The following MNAT1 variants were observed in gnomAD, a reference collection of about 807,000 sequenced individuals.
MNAT1 encodes CDK-activating kinase assembly factor MAT1.
Under a neutral mutation model 42.0 loss-of-function variants are expected in MNAT1, and 43 were observed. The ratio of observed to expected loss-of-function variants is 1.02; its 90% CI spans 0.80 to 1.32. The LOEUF (loss-of-function observed/expected upper bound fraction) is 1.32, where lower values mean the gene tolerates loss of function less well. Ranked by LOEUF, MNAT1 falls within the 40% of genes most tolerant of loss-of-function variation. The pLI is 0.00. For missense variants in MNAT1, 306 were observed against 350.4 expected (o/e 0.87, Z 1.01); for synonymous variants, 118 against 120.0 (o/e 0.98, Z 0.11).
chr14:60,741,922 A>G (rs994932850), intron 1 of MNAT1, among the ~76,000 whole-genome samples: 1 of 151,810 alleles, frequency 6.6e-6, no homozygotes, highest in Non-Finnish European at 1.5e-5. Context: ...GTACTAGTCC[A>G]TTATATCTAA....
chr14:60,905,135 G>A (rs1292742801), intron 7 of MNAT1, among the ~76,000 whole-genome samples: 1 of 151,988 alleles, frequency 6.6e-6, no homozygotes, highest in Non-Finnish European at 1.5e-5. Flanking sequence ...GCCAGTTACT[G>A]TTCTGGGTGC....
intron 7 of MNAT1, among the ~76,000 whole-genome samples, chr14:60,956,065 T>G (rs1213038945): frequency 6.6e-6 from 1 of 152,136 alleles, no homozygotes; most frequent in African/African-American, 2.4e-5. Flanking sequence ...TTCCTTACAC[T>G]AACTAGTTCT....
At chr14:60,812,947 G>A (rs2032598929) in intron 5 of MNAT1, among the ~76,000 whole-genome samples, 1 of 152,150 alleles carries the variant, frequency 6.6e-6, no homozygotes. Flanking sequence ...ACCAAGTGTG[G>A]GTACCCAGAA....
chr14:60,760,647 A>G (rs1018819409), intron 1 of MNAT1, among the ~76,000 whole-genome samples: 5 of 152,234 alleles, frequency 3.3e-5, no homozygotes, highest in African/African-American at 4.8e-5. Context: ...ATACAATTGT[A>G]TGAAATAGCT....
chr14:60,964,185 A>G (rs2036643861), intron 7 of MNAT1, among the ~76,000 whole-genome samples: 1 of 152,218 alleles, frequency 6.6e-6, no homozygotes, highest in Admixed American at 6.5e-5. Context: ...ATATAACACA[A>G]GAAAATGACA....
chr14:60,880,022 CTT>C, intron 7 of MNAT1, 187 bp downstream of exon 7: 1 of 428,364 alleles, frequency 2.3e-6, no homozygotes, highest in Non-Finnish European at 3.9e-6. Context: ...TGTTAGGTCT[CTT>C]GAGATTGAGC....
At chr14:60,764,018 G>T (rs1475813995) in intron 1 of MNAT1, among the ~76,000 whole-genome samples, 1 of 152,098 alleles carries the variant, frequency 6.6e-6, no homozygotes, top group Non-Finnish European at 1.5e-5. Flanking sequence ...GCAGGTATTG[G>T]TGACAGTTTG....
At chr14:60,791,171 C>A (rs1449831712) in intron 1 of MNAT1, among the ~76,000 whole-genome samples, 1 of 151,952 alleles carries the variant, frequency 6.6e-6, no homozygotes, top group Non-Finnish European at 1.5e-5. Context: ...TGAATTTGTA[C>A]CTTATATTAT....
At chr14:60,779,220 G>A (rs1321325381) in intron 1 of MNAT1, among the ~76,000 whole-genome samples, 4 of 152,188 alleles carry the variant, frequency 2.6e-5, no homozygotes, top group Non-Finnish European at 5.9e-5. Flanking sequence ...GTCTCATGGT[G>A]TTCCTAAGCC....
intron 7 of MNAT1, among the ~76,000 whole-genome samples, chr14:60,909,094 T>C (rs1011910551): frequency 6.6e-6 from 1 of 152,278 alleles, no homozygotes; most frequent in Non-Finnish European, 1.5e-5. Context: ...AATTTTTTCA[T>C]GTGTCTGTTG....
chr14:60,909,102 T>C (rs1368921916), intron 7 of MNAT1, among the ~76,000 whole-genome samples: 1 of 152,260 alleles, frequency 6.6e-6, no homozygotes, highest in Non-Finnish European at 1.5e-5. Flanking sequence ...CATGTGTCTG[T>C]TGGCTGCATA....
At chr14:60,849,721 C>CT (rs967977378) in intron 6 of MNAT1, among the ~76,000 whole-genome samples, 18 of 152,034 alleles carry the variant, frequency 1.2e-4, no homozygotes, top group Non-Finnish European at 2.5e-4. Context: ...TTCTATAATT[C>CT]TTTTTCCATT....
chr14:60,960,102 G>A (rs976821683), intron 7 of MNAT1, among the ~76,000 whole-genome samples: 6 of 152,066 alleles, frequency 3.9e-5, no homozygotes, highest in South Asian at 4.1e-4. Context: ...TAAGAAACAC[G>A]TCTGCTGTAA....
At chr14:60,943,003 AGT>A (rs138575597) in intron 7 of MNAT1, among the ~76,000 whole-genome samples, 5,748 of 78,334 alleles carry the variant, frequency 0.073, 270 homozygotes, top group African/African-American at 0.091. Flanking sequence ...AACCACATGT[AGT>A]GTGTGTGTGT....
intron 7 of MNAT1, among the ~76,000 whole-genome samples, chr14:60,885,044 G>C (rs948829796): frequency 4.6e-5 from 7 of 151,720 alleles, no homozygotes; most frequent in Admixed American, 1.3e-4. Flanking sequence ...TGAAGAGTTC[G>C]CTGCCAGACA....
At chr14:60,778,887 A>G (rs1458145421) in intron 1 of MNAT1, among the ~76,000 whole-genome samples, 3 of 152,230 alleles carry the variant, frequency 2.0e-5, no homozygotes, top group Non-Finnish European at 4.4e-5. Context: ...TCAACAACCA[A>G]GGGATGGAAT....
intron 7 of MNAT1, 120 bp downstream of exon 7, chr14:60,879,955 A>G (rs1566531104): frequency 1.7e-6 from 2 of 1,152,502 alleles, no homozygotes; most frequent in Admixed American, 5.7e-5. Flanking sequence ...TTTGTGAAAA[A>G]TGAACAGTAC....
At chr14:60,832,590 A>G (rs1594786368) in intron 6 of MNAT1, among the ~76,000 whole-genome samples, 1 of 151,870 alleles carries the variant, frequency 6.6e-6, no homozygotes, top group East Asian at 1.9e-4. Context: ...GCCTTGTAGT[A>G]TAGTTTGAAG....
At chr14:60,805,984 C>T (rs2032356774) in intron 3 of MNAT1, among the ~76,000 whole-genome samples, 1 of 152,216 alleles carries the variant, frequency 6.6e-6, no homozygotes, top group Non-Finnish European at 1.5e-5. Flanking sequence ...TACCATTTCA[C>T]ATTCCCACCA....
Sources: gnomAD v4.1 joint callset for allele counts (sites outside exome capture counted in the v4.1 genomes callset) on GRCh38, gnomAD v4.1.1 for gene constraint, MANE v1.5 for transcripts, NCBI Gene and HGNC (gene_info 2026-07-23, HGNC 2026-07-21) for gene names.